Variants in TBCEL observed in about 807,000 individuals in gnomAD.
The protein encoded by TBCEL is tubulin folding cofactor E like, also known as tubulin-specific chaperone cofactor E-like protein.
A neutral mutation model predicts 44.2 loss-of-function variants in TBCEL; 15 were observed. The ratio of observed to expected loss-of-function variants is 0.34; its 90% CI spans 0.23 to 0.52. The LOEUF (loss-of-function observed/expected upper bound fraction) is 0.52. TBCEL is among the 20% of genes least tolerant of loss of function. The pLI, the probability that TBCEL is intolerant of heterozygous loss-of-function variation, is 0.95. For synonymous variants in TBCEL, 171 were observed against 185.4 expected (o/e 0.92, Z 0.63); for missense variants, 319 against 506.3 (o/e 0.63, Z 3.55).
chr11:121,079,817 A>G lies in TBCEL; in HGVS notation c.957-6961A>G, dbSNP rs538210536. ...ATGCCTTGGGAAACAAACTCGATAAATGTTTTGTTTTTTTTGAAACGGAGT... is the reference window on the plus strand; with the variant it reads ...ATGCCTTGGGAAACAAACTCGATAAGTGTTTTGTTTTTTTTGAAACGGAGT... On this transcript the variant is annotated intron_variant, in intron 8 of 8. Coordinates refer to ENST00000683345, the MANE Select transcript of TBCEL (RefSeq NM_001363644.2). 3.4e-4 allele frequency among the ~76,000 whole-genome samples: 51 copies of G among 152,174 alleles called. 1 individual carries two copies. The South Asian group carries it at 9.8e-3, about 29-fold the overall frequency.
chr11:121,084,066 C>T (rs1946172308), intron 8 of TBCEL, among the ~76,000 whole-genome samples: 1 of 152,144 alleles, frequency 6.6e-6, no homozygotes, highest in African/African-American at 2.4e-5. Flanking sequence ...CGGGTGGACT[C>T]CCTCTATAAC....
chr11:121,038,160 C>T (rs532672962), intron 2 of TBCEL, among the ~76,000 whole-genome samples: 20 of 152,142 alleles, frequency 1.3e-4, no homozygotes, highest in African/African-American at 3.4e-4. Flanking sequence ...GAAACCATTT[C>T]GCCATGTTGA....
In TBCEL at chr11:121,090,514, G is replaced by A. The variant is rs1197411962; in HGVS notation, c.*3418G>A. ...TCTCAAGAACACCCAGAAGCTATCT[G>A]TGTTACCAGATGTGTTGTGAACACT... is the stretch of plus-strand genomic sequence containing the variant. On this transcript the variant is annotated 3_prime_UTR_variant, in exon 9 of 9. Transcript: ENST00000683345. 1 of 152,100 alleles carries A rather than the reference G, an allele frequency of 6.6e-6. No homozygotes were observed. The highest frequency in any genetic ancestry group is 1.5e-5 in the Non-Finnish European group (1 of 68,012). 9.4% of individuals were successfully genotyped at this position (152,100 alleles called of 1,614,324 possible). A position where few individuals can be genotyped will look rare whatever the true frequency, so the allele number is the denominator to read the frequency against.
intron 1 of TBCEL, among the ~76,000 whole-genome samples, chr11:121,029,899 G>A (rs1305711318): frequency 6.6e-6 from 1 of 152,110 alleles, no homozygotes; most frequent in Admixed American, 6.6e-5. Context: ...TCATATGCCA[G>A]GCACTGCTCT....
At chr11:121,031,390 A>G (rs1360358208) in intron 1 of TBCEL, among the ~76,000 whole-genome samples, 1 of 152,246 alleles carries the variant, frequency 6.6e-6, no homozygotes, top group Non-Finnish European at 1.5e-5. Context: ...TTTGCATAAA[A>G]TGGTATCTCA....
At chr11:121,062,864 C>G (rs1945749766) in intron 8 of TBCEL, among the ~76,000 whole-genome samples, 1 of 152,180 alleles carries the variant, frequency 6.6e-6, no homozygotes. Flanking sequence ...TCTCTAGACA[C>G]CACATGCTGG....
intron 2 of TBCEL, among the ~76,000 whole-genome samples, chr11:121,038,346 G>A (rs779208673): frequency 2.6e-5 from 4 of 151,986 alleles, no homozygotes; most frequent in Non-Finnish European, 4.4e-5. Context: ...CATCTTTCCT[G>A]GAGGGAAAAA....
intron 1 of TBCEL, among the ~76,000 whole-genome samples, chr11:121,032,696 A>G (rs1191810572): frequency 6.6e-6 from 1 of 152,186 alleles, no homozygotes; most frequent in East Asian, 1.9e-4. Context: ...AGTCACCAAC[A>G]AAAAGCACAA....
rs1285719968 is a variant in TBCEL at position 121,086,944 on chromosome 11, C to G, written c.1123C>G (p.Leu375Val). 6.2e-7 allele frequency: 1 copy of G among 1,613,954 alleles called. No homozygotes were observed. The highest frequency in any genetic ancestry group is 8.5e-7 in the Non-Finnish European group (1 of 1,180,018). ...VAELKKQLKT[L>V]VQLPTSNMLL... ...AGAACTAAAGAAACAGTTAAAAACT[C>G]TAGTACAATTACCCACAAGCAACAT... is the stretch of plus-strand genomic sequence containing the variant. Residue 375 changes from leucine to valine, a missense_variant, in exon 9 of 9, where the codon CTA becomes GTA. Transcript: ENST00000683345.
Position 121,087,740 on chromosome 11 carries a change from G to A in TBCEL, c.*644G>A, listed in dbSNP as rs1391984385. The A allele has an allele frequency of 1.3e-5, 2 of 152,230 alleles. No homozygotes were observed. The highest frequency in any genetic ancestry group is 2.9e-5 in the Non-Finnish European group (2 of 68,110). The allele number at this position is 152,230 out of a possible 1,614,324, so 9.4% of individuals were successfully genotyped here. A position where few individuals can be genotyped will look rare whatever the true frequency, so the allele number is the denominator to read the frequency against. ...ACCTGATTCTAATCTCAGGTACGCAGTAAGAAGCTATAACTCTGTTAGAAC... is the reference window on the plus strand; with the variant it reads ...ACCTGATTCTAATCTCAGGTACGCAATAAGAAGCTATAACTCTGTTAGAAC... On this transcript the variant is annotated 3_prime_UTR_variant, in exon 9 of 9. Coordinates refer to ENST00000683345, the MANE Select transcript of TBCEL (RefSeq NM_001363644.2).
intron 5 of TBCEL, among the ~76,000 whole-genome samples, chr11:121,054,149 T>C (rs1319274541): frequency 6.6e-6 from 1 of 151,908 alleles, no homozygotes; most frequent in African/African-American, 2.4e-5. Context: ...ATTGACCTAG[T>C]ATTGTTTTCA....
chr11:121,074,586 A>T (rs912894764), intron 8 of TBCEL, among the ~76,000 whole-genome samples: 1 of 151,992 alleles, frequency 6.6e-6, no homozygotes, highest in Non-Finnish European at 1.5e-5. Flanking sequence ...GTTTAAAGTC[A>T]GATTGATTGA....
intron 8 of TBCEL, among the ~76,000 whole-genome samples, chr11:121,069,230 G>A (rs1945879407): frequency 6.6e-6 from 1 of 152,122 alleles, no homozygotes. Context: ...TTTGTACCTT[G>A]CCATCTCCCC....
At chr11:121,060,115 T>G in intron 8 of TBCEL, 30 bp downstream of exon 8, 1 of 1,507,488 alleles carries the variant, frequency 6.6e-7, no homozygotes. Context: ...CCAAACACTT[T>G]AGAGGGTGGT....
intron 1 of TBCEL, among the ~76,000 whole-genome samples, chr11:121,024,614 C>G (rs978652220): frequency 6.6e-6 from 1 of 152,140 alleles, no homozygotes; most frequent in African/African-American, 2.4e-5. Flanking sequence ...CTGGGAGAAT[C>G]TAGGCGTCTC....
At chr11:121,083,347 A>G (rs1245422948) in intron 8 of TBCEL, among the ~76,000 whole-genome samples, 1 of 152,140 alleles carries the variant, frequency 6.6e-6, no homozygotes, top group African/African-American at 2.4e-5. Flanking sequence ...GAGATAGGAG[A>G]GAAAGAAATA....
At chr11:121,062,395 A>T (rs1322219401) in intron 8 of TBCEL, among the ~76,000 whole-genome samples, 1 of 152,140 alleles carries the variant, frequency 6.6e-6, no homozygotes, top group Non-Finnish European at 1.5e-5. Flanking sequence ...AGTATTATGT[A>T]CTGTACATAA....
intron 5 of TBCEL, among the ~76,000 whole-genome samples, chr11:121,054,176 AT>A (rs1945577932): frequency 6.6e-6 from 1 of 151,754 alleles, no homozygotes; most frequent in South Asian, 2.1e-4. Context: ...TAAGAAAGAA[AT>A]TTTATTTTTG....
chr11:121,033,846 T>C (rs1945185223), intron 1 of TBCEL, among the ~76,000 whole-genome samples: 1 of 151,550 alleles, frequency 6.6e-6, no homozygotes, highest in Non-Finnish European at 1.5e-5. Flanking sequence ...ATCACCATTC[T>C]ACAGTGTCAA....
Sources: gnomAD v4.1 joint callset for allele counts (sites outside exome capture counted in the v4.1 genomes callset) on GRCh38, gnomAD v4.1.1 for gene constraint, MANE v1.5 for transcripts, NCBI Gene and HGNC (gene_info 2026-07-23, HGNC 2026-07-21) for gene names.